The following ANKS1B variants were observed in gnomAD, a reference collection of about 807,000 sequenced individuals.
The protein encoded by ANKS1B is ankyrin repeat and sterile alpha motif domain containing 1B, also known as ankyrin repeat and sterile alpha motif domain-containing protein 1B.
Under a neutral mutation model 148.3 loss-of-function variants are expected in ANKS1B, and 36 were observed. That is an observed-to-expected ratio of 0.24 (90% CI 0.19 to 0.32). ANKS1B has a LOEUF of 0.32. Ranked by LOEUF, ANKS1B falls within the 10% of genes least tolerant of loss-of-function variation. The pLI, the probability that ANKS1B is intolerant of heterozygous loss-of-function variation, is 1.00. For synonymous variants in ANKS1B, 542 were observed against 560.8 expected, an observed-to-expected ratio of 0.97 and a Z score of 0.47; for missense variants, 1,157 against 1,542.6, an observed-to-expected ratio of 0.75 and a Z score of 4.19.
intron 8 of ANKS1B, among the ~76,000 whole-genome samples, chr12:99,758,666 G>C (rs1267805275): frequency 6.6e-6 from 1 of 151,770 alleles, no homozygotes; most frequent in African/African-American, 2.4e-5. Flanking sequence ...ATCTACCTAT[G>C]GAGTAGAACT....
chr12:99,269,822 G>A (rs906991031), intron 12 of ANKS1B, among the ~76,000 whole-genome samples: 5 of 152,140 alleles, frequency 3.3e-5, no homozygotes, highest in African/African-American at 1.2e-4. Flanking sequence ...ACCTTCCAAA[G>A]TGCTGGGATT....
At chr12:99,144,784 C>T (rs2072395613) in intron 15 of ANKS1B, among the ~76,000 whole-genome samples, 1 of 151,828 alleles carries the variant, frequency 6.6e-6, no homozygotes, top group African/African-American at 2.4e-5. Context: ...GGTGCATATT[C>T]GACATGCACA....
At chr12:98,947,266 G>A (rs2099846944) in intron 17 of ANKS1B, among the ~76,000 whole-genome samples, 1 of 152,180 alleles carries the variant, frequency 6.6e-6, no homozygotes, top group Admixed American at 6.5e-5. Flanking sequence ...TGTTGGGAAA[G>A]GATTTTGGAG....
At chr12:98,963,621 G>A (rs1367101966) in intron 17 of ANKS1B, among the ~76,000 whole-genome samples, 1 of 152,174 alleles carries the variant, frequency 6.6e-6, no homozygotes, top group Non-Finnish European at 1.5e-5. Flanking sequence ...TACCTTACAA[G>A]CACAGGCAAC....
rs1257816793 is a variant in ANKS1B at position 99,775,605 on chromosome 12, C to G, written c.904G>C (p.Ala302Pro). The change falls in exon 7 of 27, where the codon GCA (alanine) becomes CCA (proline). Residue 302 changes from alanine to proline, a missense_variant. Coordinates refer to ENST00000683438, the MANE Select transcript of ANKS1B (RefSeq NM_001352186.2). ...TVLEEPVQED[A>P]TQETHISSPV... ...GATGAAATGTGTGTTTCTTGTGTTG[C>G]ATCTTCCTGTACAGGCTCTTCGAGG... The G allele has an allele frequency of 1.2e-5, 20 of 1,613,204 alleles. No individual in the cohort carries two copies. The highest frequency in any genetic ancestry group is 1.5e-5 in the Non-Finnish European group (18 of 1,179,386).
At chr12:99,891,158 T>C (rs2093082415) in intron 1 of ANKS1B, among the ~76,000 whole-genome samples, 1 of 152,220 alleles carries the variant, frequency 6.6e-6, no homozygotes, top group Non-Finnish European at 1.5e-5. Flanking sequence ...TGGAATCATG[T>C]AGTAGTAGGT....
chr12:99,168,240 G>T (rs1047529414), intron 14 of ANKS1B, among the ~76,000 whole-genome samples: 10 of 152,206 alleles, frequency 6.6e-5, no homozygotes, highest in African/African-American at 2.4e-4. Flanking sequence ...AGTTAAGCTG[G>T]GTGCAGTGGC....
At chr12:98,945,505 C>CAAAAAAAAAAAAAAAAAAAAAAAAAAAAA (rs3051086) in intron 17 of ANKS1B, among the ~76,000 whole-genome samples, 1 of 30,296 alleles carries the variant, frequency 3.3e-5, no homozygotes, top group African/African-American at 1.1e-4. Flanking sequence ...AACAAACAAA[C>CAAAAAAAAAAAAAAAAAAAAAAAAAAAAA]AAAAAAAAAA....
chr12:99,114,958 T>C (rs902337839), intron 15 of ANKS1B, among the ~76,000 whole-genome samples: 2 of 152,070 alleles, frequency 1.3e-5, no homozygotes, highest in African/African-American at 2.4e-5. Context: ...ATGGCTATTA[T>C]TAAAAAGTAA....
chr12:99,037,782 A>C (rs2099956454), intron 17 of ANKS1B, among the ~76,000 whole-genome samples: 1 of 152,232 alleles, frequency 6.6e-6, no homozygotes, highest in Non-Finnish European at 1.5e-5. Context: ...GTTGGAAATG[A>C]ATGAAATAAT....
intron 8 of ANKS1B, among the ~76,000 whole-genome samples, chr12:99,696,625 G>T (rs531055004): frequency 1.3e-5 from 2 of 152,170 alleles, no homozygotes; most frequent in Non-Finnish European, 2.9e-5. Flanking sequence ...AAAACTTCTA[G>T]AAGATAACAG....
At chr12:99,426,832 T>C (rs2152734377) in intron 11 of ANKS1B, among the ~76,000 whole-genome samples, 1 of 152,278 alleles carries the variant, frequency 6.6e-6, no homozygotes, top group Middle Eastern at 3.4e-3. Context: ...AGACATTTGA[T>C]CCTTGCTCCC....
intron 11 of ANKS1B, among the ~76,000 whole-genome samples, chr12:99,429,620 C>G (rs529387666): frequency 4.7e-4 from 71 of 152,286 alleles, no homozygotes; most frequent in Non-Finnish European, 9.4e-4. Flanking sequence ...AATTCATTAT[C>G]TGATTTTGAT....
chr12:99,741,206 A>AACAC (rs774613671), intron 8 of ANKS1B, among the ~76,000 whole-genome samples: 4,456 of 135,360 alleles, frequency 0.033, 109 homozygotes, highest in African/African-American at 0.057. Context: ...GGCTCCGTCA[A>AACAC]ACACACACAC....
At chr12:99,914,708 G>A (rs2153790432) in intron 1 of ANKS1B, among the ~76,000 whole-genome samples, 1 of 152,176 alleles carries the variant, frequency 6.6e-6, no homozygotes, top group Middle Eastern at 3.4e-3. Flanking sequence ...GGTGATGCAT[G>A]GGAGGGTGAT....
At chr12:99,297,232 A>G (rs947897605) in intron 12 of ANKS1B, among the ~76,000 whole-genome samples, 2 of 152,224 alleles carry the variant, frequency 1.3e-5, no homozygotes, top group South Asian at 2.1e-4. Flanking sequence ...ATTTTGACAG[A>G]CAGAGGCAGC....
At chr12:99,795,856 G>T (rs899533834) in intron 4 of ANKS1B, among the ~76,000 whole-genome samples, 9 of 151,982 alleles carry the variant, frequency 5.9e-5, no homozygotes, top group African/African-American at 1.4e-4. Context: ...GTGCACTATA[G>T]CTGTAACTTC....
chr12:99,648,708 G>A, intron 9 of ANKS1B: 1 of 1,614,104 alleles, frequency 6.2e-7, no homozygotes, highest in South Asian at 1.1e-5. Context: ...CACCAGTGGA[G>A]GCTTACAGTG....
chr12:98,890,640 G>C (rs1407288914), intron 17 of ANKS1B, among the ~76,000 whole-genome samples: 1 of 152,186 alleles, frequency 6.6e-6, no homozygotes, highest in Non-Finnish European at 1.5e-5. Flanking sequence ...ACAACTACGT[G>C]CAAGTCATTC....
Sources: gnomAD v4.1 joint callset for allele counts (sites outside exome capture counted in the v4.1 genomes callset) on GRCh38, gnomAD v4.1.1 for gene constraint, MANE v1.5 for transcripts, NCBI Gene and HGNC (gene_info 2026-07-23, HGNC 2026-07-21) for gene names.